Variants in RGS6 observed in about 807,000 individuals in gnomAD.
RGS6 encodes the protein regulator of G protein signaling 6.
In RGS6, 30 loss-of-function variants were observed where a neutral mutation model predicts 78.5. That is an observed-to-expected ratio of 0.38 (90% CI 0.29 to 0.52). The LOEUF is 0.52. RGS6 is among the 20% of genes least tolerant of loss of function. The pLI, the probability that RGS6 is intolerant of heterozygous loss-of-function variation, is 0.85. For missense variants in RGS6, 495 were observed against 609.7 expected (o/e 0.81, Z 1.98); for synonymous variants, 206 against 206.0 (o/e 1.00, Z 0.00).
chr14:72,181,070 G>C (rs1567398973), intron 2 of RGS6, among the ~76,000 whole-genome samples: 3 of 152,152 alleles, frequency 2.0e-5, no homozygotes, highest in Admixed American at 1.3e-4. Context: ...GCAGCAGCTG[G>C]GAATGGGAAT....
At chr14:72,291,311 C>G (rs1342712077) in intron 2 of RGS6, among the ~76,000 whole-genome samples, 1 of 151,960 alleles carries the variant, frequency 6.6e-6, no homozygotes, top group Non-Finnish European at 1.5e-5. Flanking sequence ...CCAGACTGTC[C>G]TTTTTCTTTT....
the RGS6 span, among the ~76,000 whole-genome samples, chr14:72,582,944 G>GCA: frequency 4.1e-3 from 433 of 105,238 alleles, 2 homozygotes; most frequent in Non-Finnish European, 5.9e-3. Context: ...AGTGGACTGA[G>GCA]TAAAAAAAAA....
At chr14:72,628,547 A>G in the RGS6 span, among the ~76,000 whole-genome samples, 12,345 of 152,204 alleles carry the variant, frequency 0.081, 1,066 homozygotes, top group African/African-American at 0.22. Flanking sequence ...AAGGTCATCA[A>G]TAGATGCTAC....
At chr14:72,343,657 C>T (rs2152693067) in intron 2 of RGS6, among the ~76,000 whole-genome samples, 1 of 152,286 alleles carries the variant, frequency 6.6e-6, no homozygotes. Context: ...TTCCACTCAG[C>T]TAAAGCCTTA....
intron 2 of RGS6, among the ~76,000 whole-genome samples, chr14:72,204,297 C>G (rs2042243309): frequency 6.6e-6 from 1 of 152,220 alleles, no homozygotes. Flanking sequence ...CTGTTATATT[C>G]TGTTTCTTGG....
chr14:72,227,198 A>G lies in RGS6; in HGVS notation c.85-124897A>G, dbSNP rs1248065508. 2.0e-5 allele frequency among the ~76,000 whole-genome samples: 3 copies of G among 152,226 alleles called. No homozygotes were observed. The East Asian group carries it at 5.8e-4, about 29-fold the overall frequency. On this transcript the variant is annotated intron_variant, in intron 2 of 17. Coordinates refer to ENST00000553525, the MANE Select transcript of RGS6 (RefSeq NM_001204424.2). The stretch of plus-strand genomic sequence containing the variant: ...GACATAAAGAGTTACATATAGTGAA[A>G]CTTCTCACTTTATTTTGATAATAGG...
At chr14:72,087,680 T>C (rs914681620) in intron 2 of RGS6, among the ~76,000 whole-genome samples, 2 of 152,076 alleles carry the variant, frequency 1.3e-5, no homozygotes, top group Non-Finnish European at 2.9e-5. Context: ...GTGGTTATAG[T>C]TGGGGTGAGG....
intron 2 of RGS6, among the ~76,000 whole-genome samples, chr14:72,128,383 A>C (rs1280894334): frequency 6.6e-6 from 1 of 152,188 alleles, no homozygotes; most frequent in Non-Finnish European, 1.5e-5. Flanking sequence ...CAGTGTCCAC[A>C]ATAGAATTTG....
chr14:72,190,502 G>A (rs1353730606), intron 2 of RGS6, among the ~76,000 whole-genome samples: 1 of 152,174 alleles, frequency 6.6e-6, no homozygotes, highest in African/African-American at 2.4e-5. Flanking sequence ...CCCATTGGTG[G>A]CTACTTAGCA....
chr14:72,055,901 G>T (rs1195815059), intron 2 of RGS6, among the ~76,000 whole-genome samples: 1 of 152,180 alleles, frequency 6.6e-6, no homozygotes, highest in African/African-American at 2.4e-5. Context: ...GTTGGTAGAA[G>T]TAAATAGTAG....
chr14:72,022,393 T>C (rs914773542), intron 2 of RGS6: 1 of 152,118 alleles, frequency 6.6e-6, no homozygotes. Context: ...GTTTTTCTTT[T>C]ACAAAGTTTT....
intron 2 of RGS6, among the ~76,000 whole-genome samples, chr14:72,351,586 A>G (rs560475285): frequency 6.6e-6 from 1 of 152,056 alleles, no homozygotes; most frequent in East Asian, 1.9e-4. Flanking sequence ...TTTTTCTCTC[A>G]TGTTACTCTA....
intron 15 of RGS6, among the ~76,000 whole-genome samples, chr14:72,518,871 A>G (rs1398191585): frequency 6.6e-6 from 1 of 152,250 alleles, no homozygotes; most frequent in Non-Finnish European, 1.5e-5. Context: ...AAGTGGGTGT[A>G]GTGAGTTAGC....
At chr14:72,439,277 G>A (rs1438355023) in intron 3 of RGS6, among the ~76,000 whole-genome samples, 3 of 152,212 alleles carry the variant, frequency 2.0e-5, no homozygotes, top group Admixed American at 6.5e-5. Flanking sequence ...AGAACGATAT[G>A]GGGCACAGTA....
At chr14:72,058,775 AG>A (rs1479938100) in intron 2 of RGS6, among the ~76,000 whole-genome samples, 3 of 152,170 alleles carry the variant, frequency 2.0e-5, no homozygotes, top group Non-Finnish European at 2.9e-5. Flanking sequence ...TCTGGACCTC[AG>A]TTTCTTTACC....
At chr14:72,164,260 A>G (rs981303360) in intron 2 of RGS6, among the ~76,000 whole-genome samples, 6 of 152,188 alleles carry the variant, frequency 3.9e-5, no homozygotes, top group African/African-American at 1.2e-4. Flanking sequence ...CCTTCCAGGG[A>G]CAAAGTTTCA....
intron 2 of RGS6, among the ~76,000 whole-genome samples, chr14:72,242,740 G>A (rs914872915): frequency 1.3e-4 from 19 of 151,424 alleles, no homozygotes; most frequent in Admixed American, 1.1e-3. Context: ...AGGCAGAAGT[G>A]GTCACTACTG....
chr14:72,094,533 AATTT>A (rs2095357102), intron 2 of RGS6, among the ~76,000 whole-genome samples: 2 of 152,100 alleles, frequency 1.3e-5, no homozygotes, highest in South Asian at 4.1e-4. Flanking sequence ...AAATTTATGA[AATTT>A]ATTATCCATC....
intron 2 of RGS6, among the ~76,000 whole-genome samples, chr14:72,259,518 C>A (rs374250435): frequency 6.6e-6 from 1 of 152,108 alleles, no homozygotes; most frequent in Non-Finnish European, 1.5e-5. Context: ...TGGGAAAATG[C>A]TGGTACTCTG....
Sources: allele counts gnomAD v4.1 joint callset (sites outside exome capture counted in the v4.1 genomes callset), GRCh38; gene constraint gnomAD v4.1.1; transcripts MANE v1.5; gene names NCBI Gene and HGNC (gene_info 2026-07-23, HGNC 2026-07-21).